The following ADAMTSL1 variants were observed in gnomAD, a reference collection of about 807,000 sequenced individuals.
The protein encoded by ADAMTSL1 is ADAMTS like 1, also known as ADAMTS-like protein 1.
Under a neutral mutation model 201.8 loss-of-function variants are expected in ADAMTSL1, and 126 were observed. The observed-to-expected ratio is 0.62, with a 90% CI of 0.54 to 0.72. The LOEUF (loss-of-function observed/expected upper bound fraction) is 0.72. Ranked by LOEUF, ADAMTSL1 falls within the 30% of genes least tolerant of loss-of-function variation. The pLI is 0.00. For missense variants in ADAMTSL1, 2,679 were observed against 2,277.8 expected, an observed-to-expected ratio of 1.18 and a Z score of -3.59; for synonymous variants, 1,121 against 903.4, an observed-to-expected ratio of 1.24 and a Z score of -4.32.
intron 1 of ADAMTSL1, among the ~76,000 whole-genome samples, chr9:17,926,714 T>A (rs1296255845): frequency 6.6e-6 from 1 of 152,144 alleles, no homozygotes; most frequent in Non-Finnish European, 1.5e-5. Flanking sequence ...ATCCAGAATA[T>A]CCCCTTTCTT....
At chr9:18,151,704 T>C (rs949489499) in intron 1 of ADAMTSL1, among the ~76,000 whole-genome samples, 5 of 152,058 alleles carry the variant, frequency 3.3e-5, no homozygotes, top group Non-Finnish European at 5.9e-5. Context: ...AAAGGTAAGA[T>C]GAATTCCCAA....
rs184169536 is a variant in ADAMTSL1 at position 18,522,990 on chromosome 9, G to C, written c.192-10257G>C. Among the ~76,000 whole-genome samples, 580 of 152,240 alleles carry C rather than the reference G, an allele frequency of 3.8e-3. 2 individuals carry two copies. Among genetic ancestry groups the C allele is most frequent in the Middle Eastern group, 6.8e-3 (2 of 294 alleles). On this transcript the variant is annotated intron_variant, in intron 2 of 28. Transcript: ENST00000380548. ...ATGGCTGGGTCAAATGGTATTTCTA[G>C]TTCTAGATCCTTGAGGAATCGCCAC...
chr9:18,794,800 A>G (rs946786278), intron 19 of ADAMTSL1, among the ~76,000 whole-genome samples: 2 of 151,958 alleles, frequency 1.3e-5, no homozygotes, highest in Admixed American at 1.3e-4. Flanking sequence ...TGCCCAGATA[A>G]TTTTATTATT....
At chr9:18,853,162 A>G (rs1172814309) in intron 23 of ADAMTSL1, among the ~76,000 whole-genome samples, 1 of 152,142 alleles carries the variant, frequency 6.6e-6, no homozygotes, top group African/African-American at 2.4e-5. Context: ...TAAACAACAG[A>G]TGGGGATTAG....
At chr9:18,072,920 C>A (rs527834497) in intron 1 of ADAMTSL1, among the ~76,000 whole-genome samples, 1 of 152,180 alleles carries the variant, frequency 6.6e-6, no homozygotes, top group South Asian at 2.1e-4. Flanking sequence ...ATTTGTTGTC[C>A]ATTTGCAGCT....
intron 2 of ADAMTSL1, among the ~76,000 whole-genome samples, chr9:18,165,974 T>C (rs571407260): frequency 6.6e-6 from 1 of 151,970 alleles, no homozygotes; most frequent in South Asian, 2.1e-4. Context: ...GTTTCTGTCT[T>C]ATTGGGAGGA....
intron 8 of ADAMTSL1, among the ~76,000 whole-genome samples, chr9:18,661,598 C>CT (rs571323163): frequency 7.8e-4 from 118 of 152,190 alleles, no homozygotes; most frequent in African/African-American, 2.8e-3. Flanking sequence ...TCCTGATGAT[C>CT]TTTTTTGGAC....
chr9:18,113,960 T>C (rs1380638341), intron 1 of ADAMTSL1, among the ~76,000 whole-genome samples: 1 of 152,088 alleles, frequency 6.6e-6, no homozygotes, highest in African/African-American at 2.4e-5. Context: ...CTGGGATTGC[T>C]CTACTGAGTG....
intron 2 of ADAMTSL1, among the ~76,000 whole-genome samples, chr9:18,208,530 T>C (rs1376985759): frequency 6.6e-6 from 1 of 152,108 alleles, no homozygotes; most frequent in African/African-American, 2.4e-5. Flanking sequence ...TTAGAAGAAA[T>C]TGATTTTACT....
At chr9:18,524,281 T>C (rs4961658) in intron 2 of ADAMTSL1, among the ~76,000 whole-genome samples, 90,211 of 152,046 alleles carry the variant, frequency 0.59, 27,016 homozygotes, top group East Asian at 0.8. Context: ...GATTTTTGCA[T>C]ATTTATTTTG....
intron 2 of ADAMTSL1, among the ~76,000 whole-genome samples, chr9:18,528,728 A>G (rs1483614581): frequency 2.6e-5 from 4 of 152,160 alleles, no homozygotes; most frequent in African/African-American, 7.2e-5. Context: ...TTGTTCTTTC[A>G]TACTTGACCC....
chr9:18,636,171 C>T (rs1384469923), intron 6 of ADAMTSL1, among the ~76,000 whole-genome samples, 154 bp downstream of exon 6: 1 of 152,148 alleles, frequency 6.6e-6, no homozygotes, highest in African/African-American at 2.4e-5. Flanking sequence ...TTTTAGCTGC[C>T]TGATGAGATG....
At position 18,752,090 on chromosome 9, in the gene ADAMTSL1, CAAAAAAAAAAAAAAAA is replaced by C. The variant is rs1166088098; in HGVS notation, c.2007-1194_2007-1179del. ...TGGGCGACAGAGCGAGACTCCGTCT[CAAAAAAAAAAAAAAAA>C]AAAAAAAAAAAAAGAAATACAACTT... On this transcript the variant is annotated intron_variant, in intron 15 of 28. Transcript: ENST00000380548. 1.8e-5 allele frequency among the ~76,000 whole-genome samples: 2 copies of C among 110,626 alleles called. 1 individual carries two copies. The highest frequency in any genetic ancestry group is 6.4e-4 in the East Asian group (2 of 3,128). 72.6% of individuals were successfully genotyped at this position (110,626 alleles called of 152,430 possible). A position where few individuals can be genotyped will look rare whatever the true frequency, so the allele number is the denominator to read the frequency against.
intron 16 of ADAMTSL1, 63 bp downstream of exon 16, chr9:18,753,571 GCT>G: frequency 2.6e-6 from 4 of 1,533,456 alleles, no homozygotes; most frequent in Middle Eastern, 2.3e-4. Context: ...AAAAAGGGAT[GCT>G]CTCTCAGAGT....
At chr9:18,758,450 A>C (rs543122457) in intron 16 of ADAMTSL1, among the ~76,000 whole-genome samples, 3 of 152,286 alleles carry the variant, frequency 2.0e-5, no homozygotes, top group African/African-American at 7.2e-5. Flanking sequence ...CAGAAGTCCC[A>C]ACTCAATCTC....
At chr9:18,546,971 C>T (rs912901505) in intron 3 of ADAMTSL1, among the ~76,000 whole-genome samples, 3 of 152,076 alleles carry the variant, frequency 2.0e-5, no homozygotes, top group African/African-American at 4.8e-5. Flanking sequence ...CTAAATTTTA[C>T]GTGGCTATTT....
intron 2 of ADAMTSL1, among the ~76,000 whole-genome samples, chr9:18,521,726 A>G (rs1818704565): frequency 6.6e-6 from 1 of 152,158 alleles, no homozygotes; most frequent in African/African-American, 2.4e-5. Context: ...TTTCATTGTA[A>G]TTTTTGTTTA....
intron 23 of ADAMTSL1, among the ~76,000 whole-genome samples, chr9:18,844,815 ACT>A (rs1207491066): frequency 1.3e-5 from 2 of 152,054 alleles, no homozygotes; most frequent in Non-Finnish European, 2.9e-5. Flanking sequence ...AATCAGCAAG[ACT>A]CTGTGGGCAT....
At chr9:18,253,327 AT>A (rs1831542381) in intron 2 of ADAMTSL1, among the ~76,000 whole-genome samples, 2 of 152,294 alleles carry the variant, frequency 1.3e-5, no homozygotes, top group South Asian at 2.1e-4. Flanking sequence ...GAGATGACTA[AT>A]TTCTCCTTTA....
Sources: allele counts gnomAD v4.1 joint callset (sites outside exome capture counted in the v4.1 genomes callset), GRCh38; gene constraint gnomAD v4.1.1; transcripts MANE v1.5; gene names NCBI Gene and HGNC (gene_info 2026-07-23, HGNC 2026-07-21).